The following MYO3B variants were observed in gnomAD, a reference collection of about 807,000 sequenced individuals.
MYO3B encodes myosin IIIB.
In MYO3B, 156 loss-of-function variants were observed where a neutral mutation model predicts 174.6. The ratio of observed to expected loss-of-function variants is 0.89; its 90% CI spans 0.78 to 1.02. MYO3B has a LOEUF of 1.02. Ranked by LOEUF, MYO3B falls within the 50% of genes least tolerant of loss-of-function variation. The pLI, the probability that MYO3B is intolerant of heterozygous loss-of-function variation, is 0.00. For missense variants in MYO3B, 1,632 were observed against 1,639.4 expected (o/e 1.00, Z 0.08); for synonymous variants, 563 against 569.1 (o/e 0.99, Z 0.15).
At chr2:170,627,487 T>G (rs1371351368) in intron 32 of MYO3B, among the ~76,000 whole-genome samples, 1 of 152,188 alleles carries the variant, frequency 6.6e-6, no homozygotes, top group Non-Finnish European at 1.5e-5. Context: ...TTCTTTGCGA[T>G]GGGTTCGAAC....
intron 32 of MYO3B, among the ~76,000 whole-genome samples, chr2:170,547,273 T>C (rs564237011): frequency 1.3e-5 from 2 of 148,428 alleles, no homozygotes; most frequent in South Asian, 2.1e-4. Context: ...GAGCTTGCAG[T>C]GAGCCGAGAT....
chr2:170,214,439 T>C lies in MYO3B; in HGVS notation c.382T>C (p.Leu128=). The C allele has an allele frequency of 6.2e-7, 1 of 1,614,154 alleles. No homozygotes were observed. The highest frequency in any genetic ancestry group is 8.5e-7 in the Non-Finnish European group (1 of 1,180,004). ...VKGLLRCGQR[L]DEAMISYILY... ...AGGTCTACTCAGATGTGGCCAGCGG[T>C]TGGATGAAGCAATGATCTCATACAT... is the stretch of plus-strand genomic sequence containing the variant. Residue 128 remains leucine, a synonymous_variant, in exon 4 of 35, where the codon TTG becomes CTG. Coordinates refer to ENST00000408978, the MANE Select transcript of MYO3B (RefSeq NM_138995.5).
chr2:170,268,925 C>T (rs957933583), intron 7 of MYO3B, among the ~76,000 whole-genome samples: 10 of 152,204 alleles, frequency 6.6e-5, no homozygotes, highest in African/African-American at 1.9e-4. Context: ...AACCACTATA[C>T]ATATAAATCA....
chr2:170,601,649 C>A lies in MYO3B; in HGVS notation c.3734-49979C>A, dbSNP rs1186941100. ...CTTCTTCATCTTCCTCCTCATAATC[C>A]TCTTCATCTTCTGTCCTCCTCTTCC... On this transcript the variant is annotated intron_variant, in intron 32 of 34. Coordinates refer to ENST00000408978, the MANE Select transcript of MYO3B (RefSeq NM_138995.5). The A allele has an allele frequency of 3.7e-5, 50 of 1,339,544 alleles. 1 individual carries two copies. The South Asian group carries it at 5.7e-4, about 15-fold the overall frequency. 83.0% of individuals were successfully genotyped at this position (1,339,544 alleles called of 1,614,324 possible).
At chr2:170,649,377 AAT>A (rs1428690227) in intron 32 of MYO3B, among the ~76,000 whole-genome samples, 1 of 104,770 alleles carries the variant, frequency 9.5e-6, no homozygotes, top group Non-Finnish European at 1.9e-5. Flanking sequence ...TAAAAATATA[AAT>A]ATATTATATA....
At chr2:170,398,666 C>A (rs1244274786) in intron 16 of MYO3B, among the ~76,000 whole-genome samples, 1 of 152,116 alleles carries the variant, frequency 6.6e-6, no homozygotes, top group African/African-American at 2.4e-5. Context: ...AGACTCCTAG[C>A]ATTCCTATCA....
chr2:170,557,128 G>C (rs760145271), intron 32 of MYO3B, among the ~76,000 whole-genome samples: 29 of 139,598 alleles, frequency 2.1e-4, no homozygotes, highest in Non-Finnish European at 3.8e-4. Context: ...ATGTCTGCAG[G>C]GTTTTTTATT....
chr2:170,629,764 C>A (rs1169139493), intron 32 of MYO3B, among the ~76,000 whole-genome samples: 1 of 152,160 alleles, frequency 6.6e-6, no homozygotes, highest in East Asian at 1.9e-4. Flanking sequence ...ACAGGAGAAT[C>A]ACTTGAACCT....
At chr2:170,359,611 T>C (rs1021029093) in intron 8 of MYO3B, among the ~76,000 whole-genome samples, 1 of 152,182 alleles carries the variant, frequency 6.6e-6, no homozygotes, top group Non-Finnish European at 1.5e-5. Context: ...TATCCCTAGA[T>C]GAGCCTTGCA....
chr2:170,493,287 C>A (rs141476923), intron 25 of MYO3B, among the ~76,000 whole-genome samples: 1 of 152,134 alleles, frequency 6.6e-6, no homozygotes, highest in Non-Finnish European at 1.5e-5. Context: ...GCAAGTTTAT[C>A]AGTCTTTTCC....
intron 8 of MYO3B, among the ~76,000 whole-genome samples, chr2:170,354,501 G>T (rs1184997885): frequency 1.3e-5 from 2 of 152,284 alleles, no homozygotes; most frequent in Admixed American, 1.3e-4. Flanking sequence ...CAGGTCCCCT[G>T]GGGAAACAGA....
At chr2:170,368,861 T>C (rs931663692) in intron 8 of MYO3B, among the ~76,000 whole-genome samples, 2 of 152,206 alleles carry the variant, frequency 1.3e-5, no homozygotes, top group African/African-American at 4.8e-5. Context: ...TAAAAGAAAG[T>C]ATACATACAA....
At chr2:170,438,944 A>G (rs2094777768) in intron 22 of MYO3B, among the ~76,000 whole-genome samples, 1 of 151,850 alleles carries the variant, frequency 6.6e-6, no homozygotes, top group African/African-American at 2.4e-5. Context: ...GGATGAGGTA[A>G]TATTTCATCT....
At chr2:170,493,801 A>G (rs1220578769) in intron 25 of MYO3B, among the ~76,000 whole-genome samples, 1 of 151,614 alleles carries the variant, frequency 6.6e-6, no homozygotes, top group Non-Finnish European at 1.5e-5. Context: ...CTATATAATG[A>G]AGGGACTCAG....
chr2:170,223,742 C>T (rs1168077631), intron 6 of MYO3B, among the ~76,000 whole-genome samples: 2 of 152,082 alleles, frequency 1.3e-5, no homozygotes, highest in African/African-American at 4.8e-5. Context: ...CTTTTTCTAC[C>T]ATCACATATA....
chr2:170,377,701 C>T (rs1461012600), intron 9 of MYO3B, among the ~76,000 whole-genome samples: 7 of 152,178 alleles, frequency 4.6e-5, no homozygotes, highest in Admixed American at 3.9e-4. Context: ...AGAAGCCAGC[C>T]TTGGCAGCCA....
rs533835684 is a variant in MYO3B at position 170,605,666 on chromosome 2, G to A, written c.3734-45962G>A. Among the ~76,000 whole-genome samples, 212 of 152,184 alleles carry A rather than the reference G, an allele frequency of 1.4e-3. 1 individual carries two copies. The highest frequency in any genetic ancestry group is 4.5e-3 in the African/African-American group (187 of 41,528). ...GAGGTCAGGAGTTCAAAACCAGCCTGGACAACATGGTAAAACCCTATCTCT... is the reference window on the plus strand; with the variant it reads ...GAGGTCAGGAGTTCAAAACCAGCCTAGACAACATGGTAAAACCCTATCTCT... On this transcript the variant is annotated intron_variant, in intron 32 of 34. Coordinates refer to ENST00000408978, the MANE Select transcript of MYO3B (RefSeq NM_138995.5).
intron 7 of MYO3B, among the ~76,000 whole-genome samples, chr2:170,273,966 AT>A (rs1457140787): frequency 6.6e-6 from 1 of 152,152 alleles, no homozygotes; most frequent in Non-Finnish European, 1.5e-5. Context: ...TTTCTTGGAA[AT>A]TTTAACTGAG....
intron 6 of MYO3B, among the ~76,000 whole-genome samples, chr2:170,226,088 C>T (rs546658341): frequency 6.6e-6 from 1 of 152,298 alleles, no homozygotes; most frequent in East Asian, 1.9e-4. Context: ...AGGGTGGGAT[C>T]TCACCAAGTT....
Sources: gnomAD v4.1 joint callset for allele counts (sites outside exome capture counted in the v4.1 genomes callset) on GRCh38, gnomAD v4.1.1 for gene constraint, MANE v1.5 for transcripts, NCBI Gene and HGNC (gene_info 2026-07-23, HGNC 2026-07-21) for gene names.